DLGAP5: variants seen among roughly 807,000 people sequenced by gnomAD.
DLGAP5 encodes the protein disks large-associated protein 5.
Under a neutral mutation model 99.6 loss-of-function variants are expected in DLGAP5, and 90 were observed. The ratio of observed to expected loss-of-function variants is 0.90; its 90% CI spans 0.76 to 1.08. The LOEUF is 1.08. DLGAP5 is among the 50% of genes least tolerant of loss of function. The pLI, the probability that DLGAP5 is intolerant of heterozygous loss-of-function variation, is 0.00. For synonymous variants in DLGAP5, 311 were observed against 321.3 expected, an observed-to-expected ratio of 0.97 and a Z score of 0.34; for missense variants, 1,036 against 983.5, an observed-to-expected ratio of 1.05 and a Z score of -0.71.
At chr14:55,165,876 G>A (rs1882624574) in intron 12 of DLGAP5, among the ~76,000 whole-genome samples, 1 of 152,050 alleles carries the variant, frequency 6.6e-6, no homozygotes, top group Non-Finnish European at 1.5e-5. Context: ...CTGCTGATAA[G>A]GGGGGGCTAC....
At chr14:55,169,665 T>C in intron 11 of DLGAP5, 106 bp from the exon 12 acceptor site, 1 of 1,000,382 alleles carries the variant, frequency 1.0e-6, no homozygotes, top group African/African-American at 1.7e-5. Context: ...GGCCTACAGG[T>C]TGTTAAGCAA....
chr14:55,175,199 G>C (rs1479668180), intron 10 of DLGAP5, 147 bp downstream of exon 10: 2 of 660,952 alleles, frequency 3.0e-6, no homozygotes, highest in Admixed American at 7.1e-5. Flanking sequence ...GAATGTACTA[G>C]TTATCAAAAA....
intron 15 of DLGAP5, among the ~76,000 whole-genome samples, chr14:55,152,884 T>A (rs1328630062): frequency 6.6e-6 from 1 of 152,152 alleles, no homozygotes; most frequent in African/African-American, 2.4e-5. Flanking sequence ...ACCATGGTGG[T>A]CAGTCAGGGT....
chr14:55,151,766 C>T lies in DLGAP5; in HGVS notation c.2297G>A (p.Ser766Asn). Residue 766 changes from serine to asparagine, a missense_variant, in exon 17 of 19, where the codon AGT (serine) becomes AAT (asparagine). Ser to Asn is a conservative substitution (Grantham distance 46). Coordinates refer to ENST00000247191, the MANE Select transcript of DLGAP5 (RefSeq NM_014750.5). ...SSITSQDVLM[S>N]SPEKNTASQN... The stretch of plus-strand genomic sequence containing the variant: ...TGAAGCTGTATTTTTTTCAGGGCTA[C>T]TCATCAAAACATCCTGTGATGTAAT... The T allele has an allele frequency of 6.2e-7, 1 of 1,613,818 alleles. No homozygotes were observed. The highest frequency in any genetic ancestry group is 8.5e-7 in the Non-Finnish European group (1 of 1,179,882).
rs547057286 is a variant in DLGAP5, at chr14:55,181,534, A to C, written c.496-237T>G. Among the ~76,000 whole-genome samples, 38 of 152,324 alleles carry C rather than the reference A, an allele frequency of 2.5e-4. 1 individual carries two copies. The highest frequency in any genetic ancestry group is 1.8e-3 in the Admixed American group (28 of 15,296). ...TTGGAAAATGCTAATAACCCAAGCT[A>C]TTAAAAACAGCTCACTATAACTTGC... is the stretch of plus-strand genomic sequence containing the variant. On this transcript the variant is annotated intron_variant, in intron 4 of 18. Coordinates refer to ENST00000247191, the MANE Select transcript of DLGAP5 (RefSeq NM_014750.5).
intron 12 of DLGAP5, among the ~76,000 whole-genome samples, chr14:55,168,505 G>C (rs10135042): frequency 0.027 from 4,050 of 152,144 alleles, 173 homozygotes; most frequent in African/African-American, 0.093. Context: ...TCTATTGTTG[G>C]CTGTTGGTTC....
chr14:55,163,947 T>C (rs919967118), intron 12 of DLGAP5, among the ~76,000 whole-genome samples: 4 of 152,254 alleles, frequency 2.6e-5, no homozygotes, highest in Non-Finnish European at 5.9e-5. Flanking sequence ...GATACATCTT[T>C]TGCAAATATT....
chr14:55,169,619 C>A, intron 11 of DLGAP5, 60 bp from the exon 12 acceptor site: 1 of 1,393,464 alleles, frequency 7.2e-7, no homozygotes, highest in South Asian at 1.6e-5. Flanking sequence ...CATTGCAAGT[C>A]AGCCCACTGA....
At chr14:55,173,287 AC>A (rs375278689) in intron 10 of DLGAP5, among the ~76,000 whole-genome samples, 241 of 95,462 alleles carry the variant, frequency 2.5e-3, no homozygotes, top group African/African-American at 3.3e-3. Flanking sequence ...AAAAAAAAAA[AC>A]AAAAAAAAAA....
rs1883341537 is a variant in DLGAP5, at chr14:55,183,642, A to G, written c.350T>C (p.Ile117Thr). The G allele has an allele frequency of 1.2e-6, 2 of 1,612,076 alleles. No homozygotes were observed. The highest frequency in any genetic ancestry group is 1.7e-6 in the Non-Finnish European group (2 of 1,179,522). The change falls in exon 3 of 19, where the codon ATA (isoleucine) becomes ACA (threonine). Residue 117 changes from isoleucine to threonine, a missense_variant. By Grantham distance (89) the Ile-to-Thr change is moderately conservative (BLOSUM62 -1). Transcript: ENST00000247191. ...AGGTCTATAACGACCCACTTTAAATATTCCTCGTTTAGCTTTCTCTCTCTG... is the reference window on the plus strand; with the variant it reads ...AGGTCTATAACGACCCACTTTAAATGTTCCTCGTTTAGCTTTCTCTCTCTG... ...KEQREKAKRG[I>T]FKVGRYRPDM... is the part of the protein sequence containing the mutation.
chr14:55,173,835 C>T (rs2140321198), intron 10 of DLGAP5, among the ~76,000 whole-genome samples: 1 of 149,192 alleles, frequency 6.7e-6, no homozygotes, highest in African/African-American at 2.6e-5. Flanking sequence ...ATTTCCTATG[C>T]CTGTCTTTAC....
rs1437476547 is a variant in DLGAP5 at position 55,188,972 on chromosome 14, G to A, written c.208C>T (p.Leu70Phe). The change falls in exon 2 of 19, where the codon CTT becomes TTT. Residue 70 changes from leucine (L) to phenylalanine (F), a missense_variant. Coordinates refer to ENST00000247191, the MANE Select transcript of DLGAP5 (RefSeq NM_014750.5). ...LVELDETSQG[L>F]VPEKTNVKPR... is the part of the protein sequence containing the mutation. ...TTAACATTGGTCTTTTCTGGAACAA[G>A]CCCTTGAGATGTCTCATCTAATTCA... 1 of 1,613,380 alleles carries A rather than the reference G, an allele frequency of 6.2e-7. No homozygotes were observed. Among genetic ancestry groups the A allele is most frequent in the East Asian group, 2.2e-5 (1 of 44,814 alleles).
Position 55,175,549 on chromosome 14 carries a change from T to G in DLGAP5, c.1175-77A>C, listed in dbSNP as rs577020202. On this transcript the variant is annotated intron_variant, in intron 9 of 18. Coordinates refer to ENST00000247191, the MANE Select transcript of DLGAP5 (RefSeq NM_014750.5). ...AATGACAGCCCCTAAAAAGACATTT[T>G]AAAAATCCTTTTCAATGTTTAATTT... 5 of 921,214 alleles carry G rather than the reference T, an allele frequency of 5.4e-6. No homozygotes were observed. The East Asian group carries it at 1.4e-4, about 26-fold the overall frequency. 57.1% of individuals were successfully genotyped at this position (921,214 alleles called of 1,614,324 possible). A position where few individuals can be genotyped will look rare whatever the true frequency, so the allele number is the denominator to read the frequency against.
At chr14:55,171,513 T>C (rs867185108) in intron 10 of DLGAP5, among the ~76,000 whole-genome samples, 1 of 152,322 alleles carries the variant, frequency 6.6e-6, no homozygotes, top group African/African-American at 2.4e-5. Flanking sequence ...CCTTGTATGC[T>C]GTTGATGGGA....
chr14:55,189,250 A>C, intron 1 of DLGAP5, 70 bp from the exon 2 acceptor site: 1 of 1,223,550 alleles, frequency 8.2e-7, no homozygotes, highest in Non-Finnish European at 1.2e-6. Flanking sequence ...ATTACAGTTC[A>C]TTTCCTGTCC....
rs192391354 is a variant in DLGAP5, at chr14:55,181,398, G to A, written c.496-101C>T. On this transcript the variant is annotated intron_variant, in intron 4 of 18. Coordinates refer to ENST00000247191, the MANE Select transcript of DLGAP5 (RefSeq NM_014750.5). Reference sequence around the variant, plus strand: ...ATTCCTCATATGAAATCTGATCATCGTAAATGACCCAACAACAACAACAAA... The same window carrying A: ...ATTCCTCATATGAAATCTGATCATCATAAATGACCCAACAACAACAACAAA... 1.0e-3 allele frequency: 865 copies of A among 861,524 alleles called. 1 individual carries two copies. The African/African-American group carries it at 0.013, about 13-fold the overall frequency. The allele number at this position is 861,524 out of a possible 1,614,324, so 53.4% of individuals were successfully genotyped here. A position where few individuals can be genotyped will look rare whatever the true frequency, so the allele number is the denominator to read the frequency against.
intron 1 of DLGAP5, chr14:55,191,200 A>T (rs1883605344): frequency 6.6e-6 from 1 of 152,202 alleles, no homozygotes; most frequent in Non-Finnish European, 1.5e-5. Flanking sequence ...CGGGAATTTA[A>T]TGTCGGAGCT....
chr14:55,164,543 G>C (rs1359686208), intron 12 of DLGAP5, among the ~76,000 whole-genome samples: 1 of 152,022 alleles, frequency 6.6e-6, no homozygotes, highest in Non-Finnish European at 1.5e-5. Flanking sequence ...CCGTAAGACT[G>C]TTAGGAGAAA....
chr14:55,173,347 G>C (rs920580079), intron 10 of DLGAP5, among the ~76,000 whole-genome samples: 4 of 151,048 alleles, frequency 2.6e-5, no homozygotes, highest in African/African-American at 9.7e-5. Context: ...GATGGCTTGA[G>C]CTCAGGACAG....
Sources: allele counts gnomAD v4.1 joint callset (sites outside exome capture counted in the v4.1 genomes callset), GRCh38; gene constraint gnomAD v4.1.1; transcripts MANE v1.5; gene names NCBI Gene and HGNC (gene_info 2026-07-23, HGNC 2026-07-21).